CAMK4: variants seen among roughly 807,000 people sequenced by gnomAD.
CAMK4 encodes calcium/calmodulin-dependent protein kinase type IV.
Under a neutral mutation model 44.9 loss-of-function variants are expected in CAMK4, and 22 were observed. The observed-to-expected ratio is 0.49, with a 90% CI of 0.35 to 0.70. The LOEUF (loss-of-function observed/expected upper bound fraction) is 0.70. Ranked by LOEUF, CAMK4 falls within the 30% of genes least tolerant of loss-of-function variation. The pLI, the probability that CAMK4 is intolerant of heterozygous loss-of-function variation, is 0.01. For missense variants in CAMK4, 498 were observed against 586.8 expected, an observed-to-expected ratio of 0.85 and a Z score of 1.56; for synonymous variants, 218 against 215.4, an observed-to-expected ratio of 1.01 and a Z score of -0.11.
Position 111,374,943 on chromosome 5 carries a change from G to C in CAMK4, c.303+31G>C, listed in dbSNP as rs56324840. 1.7e-3 allele frequency: 2,510 copies of C among 1,471,840 alleles called. 2 individuals are homozygous for C. Among genetic ancestry groups the C allele is most frequent in the Middle Eastern group, 3.8e-3 (22 of 5,772 alleles). The allele number at this position is 1,471,840 out of a possible 1,614,324, so 91.2% of individuals were successfully genotyped here. ...TGGTTTTTAACCTACTATTTCAAATGATTGCCAGAGCTAGAGAAAGGGACC... is the reference window on the plus strand; with the variant it reads ...TGGTTTTTAACCTACTATTTCAAATCATTGCCAGAGCTAGAGAAAGGGACC... On this transcript the variant is annotated intron_variant, in intron 3 of 10. Transcript: ENST00000282356.
At chr5:111,280,997 T>C (rs1425384229) in intron 1 of CAMK4, among the ~76,000 whole-genome samples, 2 of 152,212 alleles carry the variant, frequency 1.3e-5, no homozygotes, top group Non-Finnish European at 2.9e-5. Flanking sequence ...GCCAGTTAGA[T>C]ACACTCAAAT....
chr5:111,488,871 G>T lies in CAMK4; in HGVS notation c.*4405G>T, dbSNP rs1473805145. The T allele has an allele frequency of 6.6e-6, 1 of 152,188 alleles. No homozygotes were observed. Among genetic ancestry groups the T allele is most frequent in the South Asian group, 2.1e-4 (1 of 4,834 alleles). 9.4% of individuals were successfully genotyped at this position (152,188 alleles called of 1,614,324 possible). ...TATGTCACTTATTTGTCATTGCAAA[G>T]TATTCAGTCATGTTGTCTAGATTTA... On this transcript the variant is annotated 3_prime_UTR_variant, in exon 11 of 11. Coordinates refer to ENST00000282356, the MANE Select transcript of CAMK4 (RefSeq NM_001744.6).
At chr5:111,480,270 A>ACACACACG (rs1755389144) in intron 9 of CAMK4, among the ~76,000 whole-genome samples, 2 of 150,530 alleles carry the variant, frequency 1.3e-5, no homozygotes, top group African/African-American at 4.9e-5. Context: ...ACACACACAC[A>ACACACACG]CACACACACA....
At chr5:111,478,559 C>A in intron 9 of CAMK4, 52 bp downstream of exon 9, 2 of 1,012,862 alleles carry the variant, frequency 2.0e-6, no homozygotes, top group Non-Finnish European at 2.8e-6. Context: ...TTATTTTTAA[C>A]TAATTAATGG....
chr5:111,463,995 A>T (rs1160808928), intron 7 of CAMK4, among the ~76,000 whole-genome samples: 1 of 152,050 alleles, frequency 6.6e-6, no homozygotes, highest in East Asian at 1.9e-4. Context: ...CCAAAAAGAA[A>T]TCCCTGAATT....
At chr5:111,300,956 T>C (rs1480072543) in intron 1 of CAMK4, among the ~76,000 whole-genome samples, 2 of 151,084 alleles carry the variant, frequency 1.3e-5, no homozygotes, top group African/African-American at 4.9e-5. Context: ...GTGACCATTA[T>C]TTTACATATG....
Position 111,326,683 on chromosome 5 carries a change from TA to T in CAMK4, c.162-17332del, listed in dbSNP as rs397816033. Among the ~76,000 whole-genome samples the T allele has an allele frequency of 3.0e-3, 449 of 148,780 alleles. 1 individual carries two copies. Among genetic ancestry groups the T allele is most frequent in the African/African-American group, 9.9e-3 (400 of 40,566 alleles). ...CTCTGTGTGTGTGTAAAGCTATAAA[TA>T]AAAAAAAAGAGTACAAAGAAACATT... On this transcript the variant is annotated intron_variant, in intron 1 of 10. Coordinates refer to ENST00000282356, the MANE Select transcript of CAMK4 (RefSeq NM_001744.6).
In CAMK4 at chr5:111,484,142, C is replaced by G. The variant is rs748677635; in HGVS notation, c.1098C>G (p.Asn366Lys). Reference protein sequence around the residue: ...SRDPSPIQDGNEDMKAIPEGE... With the variant: ...SRDPSPIQDGKEDMKAIPEGE... ...ACCCTTCTCCAATCCAAGATGGCAA[C>G]GAGGACATGAAAGCTATTCCAGAAG... The change falls in exon 11 of 11, where the codon AAC becomes AAG. Residue 366 changes from asparagine (N) to lysine (K), a missense_variant. Coordinates refer to ENST00000282356, the MANE Select transcript of CAMK4 (RefSeq NM_001744.6). This position sits in a 1 kb window ranked among gnomAD's most constrained non-coding sequence, Gnocchi z 5.3. The G allele has an allele frequency of 6.2e-7, 1 of 1,614,004 alleles. No individual in the cohort carries two copies. Among genetic ancestry groups the G allele is most frequent in the East Asian group, 2.2e-5 (1 of 44,886 alleles).
At chr5:111,273,700 TATATATATATATATATATACAC>T (rs1310704997) in intron 1 of CAMK4, among the ~76,000 whole-genome samples, 31 of 63,514 alleles carry the variant, frequency 4.9e-4, no homozygotes, top group African/African-American at 2.6e-3. Flanking sequence ...TATATATATA[TATATATATATATATATATACAC>T]ACACATACAT....
In CAMK4 at chr5:111,224,404, C is replaced by G. The variant is rs1037864791; in HGVS notation, c.-80C>G. On this transcript the variant is annotated 5_prime_UTR_variant, in exon 1 of 11. Transcript: ENST00000282356. The surrounding 1 kb of genome is among the most constrained non-coding windows in gnomAD (Gnocchi z 5.7). ...CGCCTCTCTCTCGCTCCTGCGTTCG[C>G]AGGCGGCGGCTGGCGGCCGGCTTCT... 12 of 1,475,368 alleles carry G rather than the reference C, an allele frequency of 8.1e-6. No individual in the cohort carries two copies. In the East Asian group the frequency reaches 8.5e-5, roughly 10 times the overall value. The allele number at this position is 1,475,368 out of a possible 1,614,324, so 91.4% of individuals were successfully genotyped here.
intron 1 of CAMK4, among the ~76,000 whole-genome samples, chr5:111,282,043 C>T (rs1489903308): frequency 2.0e-5 from 3 of 148,636 alleles, no homozygotes; most frequent in East Asian, 2.0e-4. Flanking sequence ...TGGGCGACAG[C>T]GAGACTCCGT....
At chr5:111,254,876 T>A (rs2112548458) in intron 1 of CAMK4, among the ~76,000 whole-genome samples, 1 of 152,246 alleles carries the variant, frequency 6.6e-6, no homozygotes, top group Non-Finnish European at 1.5e-5. Flanking sequence ...TGGGGACTTT[T>A]GTGGTTTGGA....
rs552740308 is a variant in CAMK4 at position 111,469,903 on chromosome 5, A to C, written c.626-3408A>C. Among the ~76,000 whole-genome samples the C allele has an allele frequency of 3.5e-4, 53 of 152,324 alleles. No individual in the cohort carries two copies. In the South Asian group the frequency reaches 8.3e-3, roughly 24 times the overall value. The stretch of plus-strand genomic sequence containing the variant: ...TTCATTTACAGTTTAGAGGTAAAAA[A>C]CCAAGATCCAGAAAATATAAAAGAC... On this transcript the variant is annotated intron_variant, in intron 7 of 10. Coordinates refer to ENST00000282356, the MANE Select transcript of CAMK4 (RefSeq NM_001744.6).
At chr5:111,380,171 T>G (rs144226880) in intron 4 of CAMK4, among the ~76,000 whole-genome samples, 3 of 152,304 alleles carry the variant, frequency 2.0e-5, no homozygotes, top group Non-Finnish European at 4.4e-5. Flanking sequence ...TGACTATATT[T>G]TAAGACAGCA....
At chr5:111,393,681 C>T (rs72780388) in intron 4 of CAMK4, among the ~76,000 whole-genome samples, 1,913 of 151,958 alleles carry the variant, frequency 0.013, 33 homozygotes, top group South Asian at 0.025. Flanking sequence ...TACATGGACA[C>T]AGAGAGGAAC....
chr5:111,332,631 A>G (rs912179198), intron 1 of CAMK4, among the ~76,000 whole-genome samples: 5 of 151,640 alleles, frequency 3.3e-5, no homozygotes, highest in African/African-American at 9.6e-5. Flanking sequence ...GTACTTCAAA[A>G]TTAATTACAT....
At chr5:111,224,298 G>T (rs1360565839), upstream of CAMK4, 3 of 826,672 alleles carry the variant, frequency 3.6e-6, no homozygotes, top group East Asian at 1.2e-4. This position sits in a 1 kb window ranked among gnomAD's most constrained non-coding sequence, Gnocchi z 5.7. Flanking sequence ...GCGCCCTCTC[G>T]CAGAGGCTCG....
intron 2 of CAMK4, among the ~76,000 whole-genome samples, chr5:111,374,609 A>G (rs1490297732): frequency 3.3e-5 from 5 of 152,152 alleles, no homozygotes; most frequent in African/African-American, 1.2e-4. Context: ...AGTGGGGAAG[A>G]TGCCATGTTA....
At chr5:111,273,718 T>TATATATAC (rs1325875283) in intron 1 of CAMK4, among the ~76,000 whole-genome samples, 2 of 44,784 alleles carry the variant, frequency 4.5e-5, no homozygotes, top group Non-Finnish European at 3.9e-5. Context: ...TATATATATA[T>TATATATAC]ACACACACAT....
Sources: allele counts gnomAD v4.1 joint callset (sites outside exome capture counted in the v4.1 genomes callset), GRCh38; gene constraint gnomAD v4.1.1; non-coding constraint Gnocchi (gnomAD v3.1); transcripts MANE v1.5; gene names NCBI Gene and HGNC (gene_info 2026-07-23, HGNC 2026-07-21).